RBFOX1: variants seen among roughly 807,000 people sequenced by gnomAD.
The protein encoded by RBFOX1 is RNA binding fox-1 homolog 1, also known as RNA binding protein fox-1 homolog 1.
In RBFOX1, 8 loss-of-function variants were observed where a neutral mutation model predicts 57.7. The ratio of observed to expected loss-of-function variants is 0.14; its 90% confidence interval spans 0.08 to 0.25. The LOEUF is 0.25. RBFOX1 is among the 10% of genes least tolerant of loss of function. The pLI, the probability that RBFOX1 is intolerant of heterozygous loss-of-function variation, is 1.00. For synonymous variants in RBFOX1, 326 were observed against 222.4 expected (o/e 1.47, Z -4.15); for missense variants, 611 against 548.5 (o/e 1.11, Z -1.14).
At chr16:6,053,594 A>G (rs977781088) in intron 1 of RBFOX1, among the ~76,000 whole-genome samples, 6 of 152,248 alleles carry the variant, frequency 3.9e-5, no homozygotes, top group African/African-American at 7.2e-5. Context: ...TAATGGGGAA[A>G]AATACTGTGT....
intron 10 of RBFOX1, among the ~76,000 whole-genome samples, chr16:7,608,683 C>A (rs535755269): frequency 1.3e-5 from 2 of 152,316 alleles, no homozygotes; most frequent in East Asian, 3.9e-4. Flanking sequence ...GTTACTTAAC[C>A]TCTCTGTGCC....
chr16:6,928,044 C>A (rs1289186772), intron 3 of RBFOX1, among the ~76,000 whole-genome samples: 1 of 152,092 alleles, frequency 6.6e-6, no homozygotes, highest in South Asian at 2.1e-4. Flanking sequence ...TTTATAATTT[C>A]CCCAACTTGG....
At chr16:6,078,676 C>CACG (rs34552353) in intron 1 of RBFOX1, among the ~76,000 whole-genome samples, 57,512 of 151,908 alleles carry the variant, frequency 0.38, 12,389 homozygotes, top group Non-Finnish European at 0.51. Context: ...CAAGGCAGGG[C>CACG]ATCGTGCTTG....
At chr16:6,891,796 G>T (rs564176104) in intron 3 of RBFOX1, among the ~76,000 whole-genome samples, 6 of 152,274 alleles carry the variant, frequency 3.9e-5, no homozygotes, top group African/African-American at 1.4e-4. Flanking sequence ...GCCCAAAATA[G>T]AGCAAAGGTT....
At chr16:7,657,881 T>C (rs954092566) in intron 12 of RBFOX1, among the ~76,000 whole-genome samples, 2 of 151,970 alleles carry the variant, frequency 1.3e-5, no homozygotes, top group Non-Finnish European at 2.9e-5. Flanking sequence ...GACTGAAGAG[T>C]TAGAAAGTAA....
At chr16:6,264,680 T>A (rs1000877956) in intron 1 of RBFOX1, among the ~76,000 whole-genome samples, 5 of 152,192 alleles carry the variant, frequency 3.3e-5, no homozygotes, top group African/African-American at 1.2e-4. Flanking sequence ...TCCGGATCAC[T>A]GGATAGAAGC....
intron 3 of RBFOX1, among the ~76,000 whole-genome samples, chr16:6,895,792 C>T (rs551066774): frequency 1.6e-4 from 24 of 152,160 alleles, no homozygotes; most frequent in African/African-American, 5.5e-4. Context: ...AGCTCTGCCA[C>T]TTCCCGAATG....
intron 3 of RBFOX1, among the ~76,000 whole-genome samples, chr16:6,999,600 A>T (rs1207593294): frequency 6.6e-6 from 1 of 152,088 alleles, no homozygotes; most frequent in African/African-American, 2.4e-5. Flanking sequence ...AGATTTCAAC[A>T]ACTACCAATA....
chr16:6,539,590 G>C (rs139518658), intron 2 of RBFOX1, among the ~76,000 whole-genome samples: 1 of 152,038 alleles, frequency 6.6e-6, no homozygotes, highest in Non-Finnish European at 1.5e-5. Flanking sequence ...CTAAGGTCGG[G>C]AGTTCAAGAC....
chr16:6,068,965 ATTGCTTTG>A (rs113288463), intron 1 of RBFOX1, among the ~76,000 whole-genome samples: 7 of 152,096 alleles, frequency 4.6e-5, no homozygotes, highest in African/African-American at 1.7e-4. Context: ...TCTTTTGTTT[ATTGCTTTG>A]TTGCCTGCTA....
chr16:5,871,339 T>G (rs1352823958), intron 4 of RBFOX1, among the ~76,000 whole-genome samples: 1 of 152,186 alleles, frequency 6.6e-6, no homozygotes, highest in Non-Finnish European at 1.5e-5. Context: ...GTCACATACA[T>G]AATATAACAG....
chr16:6,849,030 T>A (rs572067823), intron 3 of RBFOX1, among the ~76,000 whole-genome samples: 13 of 152,318 alleles, frequency 8.5e-5, no homozygotes, highest in African/African-American at 2.4e-4. Flanking sequence ...TTGGCCAGGC[T>A]TACGTGTCCC....
At chr16:6,107,993 G>A (rs12926463) in intron 1 of RBFOX1, among the ~76,000 whole-genome samples, 94,678 of 151,926 alleles carry the variant, frequency 0.62, 29,773 homozygotes, top group South Asian at 0.7. Flanking sequence ...TCCCACCTGT[G>A]ATGTCACACA....
chr16:5,457,462 A>C (rs62016424), intron 1 of RBFOX1, among the ~76,000 whole-genome samples: 1 of 152,088 alleles, frequency 6.6e-6, no homozygotes, highest in East Asian at 1.9e-4. Flanking sequence ...AAGAGCACTA[A>C]TCCCATTCAT....
rs533554991 is a variant in RBFOX1 at position 5,694,011 on chromosome 16, C to T, written c.318+95050C>T. Among the ~76,000 whole-genome samples the T allele has an allele frequency of 7.9e-5, 12 of 152,284 alleles. No homozygotes were observed. The East Asian group carries it at 1.9e-3, about 24-fold the overall frequency. Reference sequence around the variant, plus strand: ...TTTGCTAGCATCTAGCACACAGCTTCGGGGCATCAGAGTAAAGTACAGAGT... The same window carrying T: ...TTTGCTAGCATCTAGCACACAGCTTTGGGGCATCAGAGTAAAGTACAGAGT... On this transcript the variant is annotated intron_variant, in intron 3 of 19. Coordinates refer to the RBFOX1 transcript ENST00000641259.
intron 1 of RBFOX1, among the ~76,000 whole-genome samples, chr16:6,215,230 G>A (rs188709972): frequency 4.5e-3 from 579 of 129,252 alleles, no homozygotes; most frequent in Admixed American, 7.1e-3. Context: ...GAGACAAAGA[G>A]GGGAAGAAGG....
intron 3 of RBFOX1, among the ~76,000 whole-genome samples, chr16:5,662,079 C>T (rs1300308050): frequency 5.9e-5 from 9 of 152,156 alleles, no homozygotes; most frequent in African/African-American, 2.2e-4. Flanking sequence ...AGCTACCGCG[C>T]CCGGCCAAAA....
chr16:6,465,380 A>G (rs1184551583), intron 2 of RBFOX1, among the ~76,000 whole-genome samples: 4 of 152,172 alleles, frequency 2.6e-5, no homozygotes, highest in Non-Finnish European at 5.9e-5. Flanking sequence ...AACCTGTAAG[A>G]GTCAAGAAAA....
chr16:6,978,377 AGACGTCATGAG>A (rs1270335907), intron 3 of RBFOX1, among the ~76,000 whole-genome samples: 1 of 152,212 alleles, frequency 6.6e-6, no homozygotes, highest in East Asian at 1.9e-4. Flanking sequence ...TTACTCATAC[AGACGTCATGAG>A]GACAATGACA....
Sources: gnomAD v4.1 joint callset for allele counts (sites outside exome capture counted in the v4.1 genomes callset) on GRCh38, gnomAD v4.1.1 for gene constraint, MANE v1.5 for transcripts, NCBI Gene and HGNC (gene_info 2026-07-23, HGNC 2026-07-21) for gene names.